Variants in LINGO2 observed in about 807,000 individuals in gnomAD.
The protein encoded by LINGO2 is leucine rich repeat and Ig domain containing 2, also known as leucine-rich repeat and immunoglobulin-like domain-containing nogo receptor-interacting protein 2.
A neutral mutation model predicts 30.6 loss-of-function variants in LINGO2; 14 were observed. The observed-to-expected ratio is 0.46, with a 90% CI of 0.30 to 0.72. The LOEUF (loss-of-function observed/expected upper bound fraction) is 0.72. LINGO2 is among the 30% of genes least tolerant of loss of function. LINGO2 has a pLI of 0.07. For missense variants in LINGO2, 729 were observed against 751.7 expected (o/e 0.97, Z 0.35); for synonymous variants, 317 against 288.5 (o/e 1.10, Z -1.00).
At chr9:29,108,081 C>G in the LINGO2 span, among the ~76,000 whole-genome samples, 1 of 152,122 alleles carries the variant, frequency 6.6e-6, no homozygotes, top group Non-Finnish European at 1.5e-5. Context: ...ATATGTTTGT[C>G]AGTTTCTGAA....
chr9:28,003,846 A>G (rs913641136), intron 5 of LINGO2, among the ~76,000 whole-genome samples: 2 of 152,230 alleles, frequency 1.3e-5, no homozygotes, highest in African/African-American at 4.8e-5. Flanking sequence ...ACCTAACAAC[A>G]TTAAGTGAGG....
At chr9:28,805,250 A>G in the LINGO2 span, among the ~76,000 whole-genome samples, 2 of 152,176 alleles carry the variant, frequency 1.3e-5, no homozygotes, top group African/African-American at 4.8e-5. Flanking sequence ...ATTTCCTGCA[A>G]AGGTATACAT....
At chr9:28,505,078 T>A (rs1361045381) in intron 1 of LINGO2, among the ~76,000 whole-genome samples, 3 of 151,842 alleles carry the variant, frequency 2.0e-5, no homozygotes, top group Non-Finnish European at 4.4e-5. Flanking sequence ...GCTGAAAAAA[T>A]AAAGTTGGCT....
chr9:28,961,698 G>T, the LINGO2 span, among the ~76,000 whole-genome samples: 1 of 152,096 alleles, frequency 6.6e-6, no homozygotes, highest in Non-Finnish European at 1.5e-5. Context: ...TGTAACCATC[G>T]TTCAAGGTGA....
chr9:28,809,986 G>A, the LINGO2 span, among the ~76,000 whole-genome samples: 1 of 151,984 alleles, frequency 6.6e-6, no homozygotes, highest in Non-Finnish European at 1.5e-5. Context: ...TTTGCTTATT[G>A]TTGTTCATTG....
In LINGO2 at chr9:28,631,169, T is replaced by A. The variant is rs530128245; in HGVS notation, c.-365+39031A>T. Among the ~76,000 whole-genome samples the A allele has an allele frequency of 2.7e-3, 418 of 152,200 alleles. 2 individuals carry two copies. Among genetic ancestry groups the A allele is most frequent in the African/African-American group, 9.4e-3 (390 of 41,540 alleles). ...TATCACTTTATTTATTTATTTATTT[T>A]TTTATTATACTTTAAGTTCTAGGGT... On this transcript the variant is annotated intron_variant, in intron 1 of 5. Transcript: ENST00000379992.
intron 3 of LINGO2, among the ~76,000 whole-genome samples, chr9:28,340,957 C>G (rs1186177284): frequency 6.6e-6 from 1 of 152,064 alleles, no homozygotes. Flanking sequence ...TCCCCATTCT[C>G]TTTAAAGGGC....
intron 1 of LINGO2, among the ~76,000 whole-genome samples, chr9:28,637,417 G>A (rs62548206): frequency 0.061 from 9,267 of 152,158 alleles, 487 homozygotes; most frequent in Admixed American, 0.18. Flanking sequence ...TGGGAAGTAT[G>A]GCCATTTTCA....
At chr9:29,206,073 T>C in the LINGO2 span, among the ~76,000 whole-genome samples, 4 of 152,364 alleles carry the variant, frequency 2.6e-5, no homozygotes, top group East Asian at 3.9e-4. Flanking sequence ...TCCTTTTCAC[T>C]GATGAACATT....
At chr9:28,921,184 T>A in the LINGO2 span, among the ~76,000 whole-genome samples, 5 of 152,174 alleles carry the variant, frequency 3.3e-5, no homozygotes, top group African/African-American at 1.2e-4. Context: ...AAAATGTTAA[T>A]CTTTTATTAA....
chr9:28,151,310 ATT>A (rs918293830), intron 4 of LINGO2, among the ~76,000 whole-genome samples: 1 of 152,034 alleles, frequency 6.6e-6, no homozygotes, highest in Non-Finnish European at 1.5e-5. Context: ...CATAAGAGGA[ATT>A]TAATAAAATC....
the LINGO2 span, among the ~76,000 whole-genome samples, chr9:28,759,606 C>T: frequency 7.3e-5 from 11 of 151,580 alleles, no homozygotes; most frequent in African/African-American, 1.5e-4. Flanking sequence ...GGCGTGAACC[C>T]GGGAGGCGGA....
intron 1 of LINGO2, among the ~76,000 whole-genome samples, chr9:28,647,396 T>C (rs1415593644): frequency 1.3e-5 from 2 of 152,144 alleles, no homozygotes; most frequent in Admixed American, 1.3e-4. Context: ...CTTTAACAGG[T>C]TTGCTGCCAG....
chr9:28,003,782 T>G (rs1304581215), intron 5 of LINGO2, among the ~76,000 whole-genome samples: 1 of 152,168 alleles, frequency 6.6e-6, no homozygotes, highest in South Asian at 2.1e-4. Flanking sequence ...ATTATACCAA[T>G]TGGTCTGTGG....
At chr9:28,997,697 C>A in the LINGO2 span, among the ~76,000 whole-genome samples, 1 of 152,086 alleles carries the variant, frequency 6.6e-6, no homozygotes, top group African/African-American at 2.4e-5. Flanking sequence ...GTAGTGGGCA[C>A]CTATAGTCCC....
At chr9:28,190,116 A>G (rs886833221) in intron 4 of LINGO2, among the ~76,000 whole-genome samples, 8 of 152,154 alleles carry the variant, frequency 5.3e-5, no homozygotes, top group Non-Finnish European at 1.0e-4. Context: ...CAAGACAGCC[A>G]CATTTTCAAG....
chr9:28,503,344 A>G (rs905833646), intron 1 of LINGO2, among the ~76,000 whole-genome samples: 33 of 152,094 alleles, frequency 2.2e-4, no homozygotes, highest in African/African-American at 7.7e-4. Context: ...GATGAAGGCA[A>G]TCCTAAAATC....
At chr9:28,702,255 G>T in the LINGO2 span, among the ~76,000 whole-genome samples, 1 of 151,698 alleles carries the variant, frequency 6.6e-6, no homozygotes, top group South Asian at 2.1e-4. Context: ...GTTAACTTTA[G>T]AATTTTTTTT....
At chr9:28,033,319 A>T (rs1431356175) in intron 4 of LINGO2, among the ~76,000 whole-genome samples, 2 of 152,250 alleles carry the variant, frequency 1.3e-5, no homozygotes, top group East Asian at 3.9e-4. Context: ...GTGGGGCAAG[A>T]GTCAGTACCC....
Sources: allele counts gnomAD v4.1 joint callset (sites outside exome capture counted in the v4.1 genomes callset), GRCh38; gene constraint gnomAD v4.1.1; transcripts MANE v1.5; gene names NCBI Gene and HGNC (gene_info 2026-07-23, HGNC 2026-07-21).